The following GPR141 variants were observed in gnomAD, a reference collection of about 807,000 sequenced individuals.
GPR141 encodes the protein probable G protein-coupled receptor 141.
In GPR141, 6 loss-of-function variants were observed where a neutral mutation model predicts 6.8. The observed-to-expected ratio is 0.88, with a 90% CI of 0.48 to 1.74. GPR141 has a LOEUF of 1.74. Ranked by LOEUF, GPR141 falls within the 40% of genes most tolerant of loss-of-function variation. GPR141 has a pLI of 0.01. For synonymous variants in GPR141, 140 were observed against 142.3 expected, an observed-to-expected ratio of 0.98 and a Z score of 0.11; for missense variants, 372 against 372.9, an observed-to-expected ratio of 1.00 and a Z score of 0.02.
At chr7:37,712,094 G>A (rs538775914) in intron 2 of GPR141, among the ~76,000 whole-genome samples, 31 of 152,256 alleles carry the variant, frequency 2.0e-4, no homozygotes, top group Admixed American at 1.4e-3. Context: ...CTCATCTCCC[G>A]TTACTTGATT....
rs1038733499 is a variant in GPR141 at position 37,742,208 on chromosome 7, C to A, written c.*897C>A. On this transcript the variant is annotated 3_prime_UTR_variant, in exon 3 of 3. Transcript: ENST00000334425. ...TTTTTAGGGGGGACAGAAAGTTATA[C>A]TGAAATCTTTAGAGCTCCCTTCCGC... Among the ~76,000 whole-genome samples, 2 of 151,864 alleles carry A rather than the reference C, an allele frequency of 1.3e-5. No individual in the cohort carries two copies. The highest frequency in any genetic ancestry group is 2.9e-5 in the Non-Finnish European group (2 of 67,972).
intron 2 of GPR141, among the ~76,000 whole-genome samples, chr7:37,701,020 T>C (rs565529056): frequency 2.0e-5 from 3 of 152,316 alleles, no homozygotes; most frequent in African/African-American, 7.2e-5. Context: ...CCTTAGCTTA[T>C]GCTGAAAAGT....
chr7:37,693,411 T>C (rs1474821969), intron 2 of GPR141, among the ~76,000 whole-genome samples: 1 of 152,202 alleles, frequency 6.6e-6, no homozygotes, highest in Non-Finnish European at 1.5e-5. Context: ...TGTAGCCTTG[T>C]AGTATAGTTT....
intron 2 of GPR141, among the ~76,000 whole-genome samples, chr7:37,714,044 T>C (rs2131796609): frequency 6.6e-6 from 1 of 152,244 alleles, no homozygotes; most frequent in East Asian, 1.9e-4. Context: ...CTTTTTTTTT[T>C]TCATCATGTC....
At chr7:37,709,502 G>T (rs1321375026) in intron 2 of GPR141, among the ~76,000 whole-genome samples, 6 of 152,172 alleles carry the variant, frequency 3.9e-5, no homozygotes, top group African/African-American at 1.4e-4. Context: ...CCACCCCAAA[G>T]AGCATGATTG....
At chr7:37,727,201 A>G (rs1366417340) in intron 2 of GPR141, among the ~76,000 whole-genome samples, 1 of 152,224 alleles carries the variant, frequency 6.6e-6, no homozygotes, top group Admixed American at 6.5e-5. Context: ...GGACCTTTCA[A>G]CATAAACATT....
At chr7:37,725,764 A>T (rs576355369) in intron 2 of GPR141, among the ~76,000 whole-genome samples, 59 of 152,206 alleles carry the variant, frequency 3.9e-4, no homozygotes, top group East Asian at 1.9e-4. Flanking sequence ...GGAACAAATT[A>T]TAAATTGTGT....
At chr7:37,735,616 G>T (rs1812194243) in intron 2 of GPR141, among the ~76,000 whole-genome samples, 1 of 151,968 alleles carries the variant, frequency 6.6e-6, no homozygotes, top group African/African-American at 2.4e-5. Flanking sequence ...TCAAGGAAAA[G>T]AACATTACTT....
At chr7:37,737,555 T>C (rs142754423) in intron 2 of GPR141, among the ~76,000 whole-genome samples, 1 of 152,300 alleles carries the variant, frequency 6.6e-6, no homozygotes, top group East Asian at 1.9e-4. Flanking sequence ...TTGTAAACTG[T>C]CTTAAAACAT....
At chr7:37,729,108 G>A (rs761270134) in intron 2 of GPR141, among the ~76,000 whole-genome samples, 1 of 152,166 alleles carries the variant, frequency 6.6e-6, no homozygotes, top group Non-Finnish European at 1.5e-5. Context: ...GGTTAGAGAG[G>A]AGGTGTCCCT....
At position 37,740,879 on chromosome 7, in the gene GPR141, TGAG is replaced by T. The variant is rs781459792; in HGVS notation, c.490_492del (p.Glu164del). ...GGTATGGAATCCATGAGGAATACAA[TGAG>T]GAGCACTGTTTTAAATTTCACAAAG... On this transcript the variant is annotated inframe_deletion, in exon 3 of 3. Transcript: ENST00000334425. The T allele has an allele frequency of 2.0e-5, 32 of 1,614,114 alleles. No individual in the cohort carries two copies. Among genetic ancestry groups the T allele is most frequent in the Non-Finnish European group, 2.5e-5 (30 of 1,179,948 alleles).
chr7:37,704,171 C>A (rs1810417009), intron 2 of GPR141, among the ~76,000 whole-genome samples: 1 of 151,698 alleles, frequency 6.6e-6, no homozygotes, highest in Non-Finnish European at 1.5e-5. Context: ...TATATTTTTT[C>A]TTTTCCACCC....
intron 2 of GPR141, among the ~76,000 whole-genome samples, chr7:37,702,689 A>G (rs991433272): frequency 1.3e-5 from 2 of 151,480 alleles, no homozygotes; most frequent in Non-Finnish European, 2.9e-5. Context: ...ATACATATGT[A>G]ACTAACCTGC....
intron 2 of GPR141, among the ~76,000 whole-genome samples, chr7:37,716,843 C>T (rs1811073061): frequency 6.6e-6 from 1 of 152,202 alleles, no homozygotes; most frequent in Admixed American, 6.5e-5. Flanking sequence ...TAAAAGAAGA[C>T]ACAAAATACC....
intron 2 of GPR141, among the ~76,000 whole-genome samples, chr7:37,733,155 T>C (rs1474364022): frequency 3.3e-5 from 5 of 152,182 alleles, no homozygotes; most frequent in South Asian, 2.1e-4. Flanking sequence ...TGAGAAGATA[T>C]GGACTTGGCT....
chr7:37,740,923 AT>A lies in GPR141; in HGVS notation c.531del (p.Tyr177Ter), dbSNP rs1265861585. The A allele has an allele frequency of 6.2e-7, 1 of 1,614,116 alleles. No individual in the cohort carries two copies. On this transcript the variant is annotated frameshift_variant, in exon 3 of 3. Transcript: ENST00000334425. LOFTEE classifies it low-confidence loss of function (END_TRUNC). ...TTTCACAAAGAGCTTGCTTACACATATGTGAAAATCATCAACTATATGATAG... is the reference window on the plus strand; with the variant it reads ...TTTCACAAAGAGCTTGCTTACACATAGTGAAAATCATCAACTATATGATAG... ...FKFHKELAYT[Y>X]VKIINYMIVI...
At position 37,721,615 on chromosome 7, in the gene GPR141, G is replaced by A. The variant is rs1396907351; in HGVS notation, c.-14-18765G>A. ...AATGCCCATTAGAAACATGCCCAAC[G>A]TGTCCTAAAATTATTTTCCATTCTT... On this transcript the variant is annotated intron_variant, in intron 2 of 2. Coordinates refer to ENST00000334425, the MANE Select transcript of GPR141 (RefSeq NM_001381946.1). 3.3e-5 allele frequency among the ~76,000 whole-genome samples: 5 copies of A among 152,170 alleles called. No individual in the cohort carries two copies. In the East Asian group the frequency reaches 5.8e-4, roughly 18 times the overall value.
chr7:37,708,585 G>T (rs1015728131), intron 2 of GPR141, among the ~76,000 whole-genome samples: 13 of 152,052 alleles, frequency 8.5e-5, no homozygotes, highest in Admixed American at 5.2e-4. Flanking sequence ...GTAAAGTCAG[G>T]GGTTTCCTCT....
chr7:37,713,649 T>C (rs982075526), intron 2 of GPR141: 5 of 152,220 alleles, frequency 3.3e-5, no homozygotes, highest in African/African-American at 9.7e-5. Context: ...ATTCTCAGAC[T>C]CTATATCTGC....
Sources: allele counts gnomAD v4.1 joint callset (sites outside exome capture counted in the v4.1 genomes callset), GRCh38; gene constraint gnomAD v4.1.1; transcripts MANE v1.5; gene names NCBI Gene and HGNC (gene_info 2026-07-23, HGNC 2026-07-21).